EFCAB11: variants seen among roughly 807,000 people sequenced by gnomAD.
EFCAB11 encodes the protein EF-hand calcium-binding domain-containing protein 11.
EFCAB11 carries 14 observed loss-of-function variants against 23.0 expected under a neutral mutation model. The ratio of observed to expected loss-of-function variants is 0.61; its 90% confidence interval spans 0.40 to 0.95. EFCAB11 has a LOEUF of 0.95. Among genes scored for constraint, EFCAB11 ranks in the 40% least tolerant of loss-of-function variants. The pLI, the probability that EFCAB11 is intolerant of heterozygous loss-of-function variation, is 0.00. For synonymous variants in EFCAB11, 65 were observed against 66.6 expected (o/e 0.98, Z 0.11); for missense variants, 198 against 195.8 (o/e 1.01, Z -0.07).
At chr14:89,954,531 C>A in intron 1 of EFCAB11, 55 bp downstream of exon 1, 2 of 1,600,260 alleles carry the variant, frequency 1.2e-6, no homozygotes, top group South Asian at 1.1e-5. Context: ...GGAGAGGAAG[C>A]GAGAGGCCCA....
chr14:89,915,833 T>C (rs1208156377), intron 5 of EFCAB11, among the ~76,000 whole-genome samples: 2 of 152,216 alleles, frequency 1.3e-5, no homozygotes, highest in Non-Finnish European at 2.9e-5. Flanking sequence ...CTACAGTGTT[T>C]ATATAAGACA....
chr14:89,819,400 G>A (rs1886434404), intron 5 of EFCAB11, among the ~76,000 whole-genome samples: 2 of 152,006 alleles, frequency 1.3e-5, no homozygotes, highest in Admixed American at 1.3e-4. Flanking sequence ...CAACTGCAAA[G>A]GGATACAAAG....
intron 5 of EFCAB11, among the ~76,000 whole-genome samples, chr14:89,896,002 G>A (rs1459965674): frequency 6.6e-6 from 1 of 152,184 alleles, no homozygotes; most frequent in Non-Finnish European, 1.5e-5. Flanking sequence ...TAGTAAATGT[G>A]AAGAGATAAG....
chr14:89,814,484 C>G (rs897229786), intron 5 of EFCAB11, among the ~76,000 whole-genome samples: 1 of 152,158 alleles, frequency 6.6e-6, no homozygotes, highest in African/African-American at 2.4e-5. Context: ...GCGGGCAGAT[C>G]ACCTGAGGTT....
intron 5 of EFCAB11, among the ~76,000 whole-genome samples, chr14:89,804,651 A>G (rs879195460): frequency 1.3e-5 from 2 of 152,236 alleles, no homozygotes; most frequent in African/African-American, 4.8e-5. Context: ...CAGAGCATTT[A>G]AATTGCCATC....
chr14:89,953,685 C>G (rs1437597397), intron 2 of EFCAB11, among the ~76,000 whole-genome samples: 1 of 152,152 alleles, frequency 6.6e-6, no homozygotes, highest in Non-Finnish European at 1.5e-5. Context: ...TTATTAGCAG[C>G]CTGGTGGTGA....
intron 5 of EFCAB11, among the ~76,000 whole-genome samples, chr14:89,882,866 G>T (rs146098930): frequency 1.3e-5 from 2 of 152,146 alleles, no homozygotes; most frequent in African/African-American, 2.4e-5. Context: ...GAGGTGTTTG[G>T]GTCCTGGGGG....
chr14:89,890,649 A>G (rs1888935984), intron 5 of EFCAB11, among the ~76,000 whole-genome samples: 1 of 152,226 alleles, frequency 6.6e-6, no homozygotes, highest in Non-Finnish European at 1.5e-5. Flanking sequence ...CACTAAAACA[A>G]AACCACCTTA....
chr14:89,808,127 G>C (rs1486852889), intron 5 of EFCAB11, among the ~76,000 whole-genome samples: 1 of 152,174 alleles, frequency 6.6e-6, no homozygotes, highest in Non-Finnish European at 1.5e-5. Context: ...AACACAGCTA[G>C]ACTACATTTC....
intron 5 of EFCAB11, among the ~76,000 whole-genome samples, chr14:89,826,189 T>C (rs1214462616): frequency 6.6e-6 from 1 of 152,176 alleles, no homozygotes; most frequent in Non-Finnish European, 1.5e-5. Flanking sequence ...ATGTATCATA[T>C]ATATATATAG....
At chr14:89,834,437 C>T (rs1191820025) in intron 5 of EFCAB11, among the ~76,000 whole-genome samples, 1 of 142,478 alleles carries the variant, frequency 7.0e-6, no homozygotes, top group Non-Finnish European at 1.5e-5. Context: ...ATTTGTGAGT[C>T]TACTTGCAAC....
intron 5 of EFCAB11, among the ~76,000 whole-genome samples, chr14:89,897,363 A>C (rs1596440399): frequency 6.6e-6 from 1 of 152,200 alleles, no homozygotes; most frequent in Middle Eastern, 3.4e-3. Context: ...GCATGCCACC[A>C]AGCCCAACTA....
intron 5 of EFCAB11, among the ~76,000 whole-genome samples, chr14:89,880,559 C>T (rs1240360688): frequency 1.3e-5 from 2 of 152,096 alleles, no homozygotes; most frequent in Middle Eastern, 3.2e-3. Flanking sequence ...GACTTCACTT[C>T]CGTTTTTCTT....
chr14:89,943,828 A>AACACAC (rs148204333), intron 3 of EFCAB11, among the ~76,000 whole-genome samples: 28 of 150,492 alleles, frequency 1.9e-4, no homozygotes, highest in African/African-American at 6.1e-4. Flanking sequence ...TCTCCAAATA[A>AACACAC]ACACACACAC....
chr14:89,925,370 A>G (rs1342408475), intron 5 of EFCAB11, among the ~76,000 whole-genome samples: 1 of 152,232 alleles, frequency 6.6e-6, no homozygotes, highest in Non-Finnish European at 1.5e-5. Context: ...ATGAAAAACA[A>G]AAGATAGCAC....
chr14:89,891,194 G>A (rs1225497061), intron 5 of EFCAB11, among the ~76,000 whole-genome samples: 1 of 152,064 alleles, frequency 6.6e-6, no homozygotes, highest in Non-Finnish European at 1.5e-5. Flanking sequence ...ATTTTTCAAG[G>A]TCGGTGAGCT....
At chr14:89,919,316 G>A (rs371812562) in intron 5 of EFCAB11, among the ~76,000 whole-genome samples, 3 of 152,120 alleles carry the variant, frequency 2.0e-5, no homozygotes, top group Non-Finnish European at 2.9e-5. Context: ...ATCTCAGATC[G>A]GCCAAGAGCA....
intron 5 of EFCAB11, among the ~76,000 whole-genome samples, chr14:89,814,774 A>C (rs1055399451): frequency 6.6e-6 from 1 of 152,042 alleles, no homozygotes; most frequent in East Asian, 1.9e-4. Flanking sequence ...CAGATGCACG[A>C]AGCTGCTTTC....
chr14:89,859,723 G>C (rs1039145706), intron 5 of EFCAB11, among the ~76,000 whole-genome samples: 1 of 152,304 alleles, frequency 6.6e-6, no homozygotes, highest in African/African-American at 2.4e-5. Context: ...GAGGGTAAGA[G>C]AGTTGGGCAC....
Sources: allele counts gnomAD v4.1 joint callset (sites outside exome capture counted in the v4.1 genomes callset), GRCh38; gene constraint gnomAD v4.1.1; transcripts MANE v1.5; gene names NCBI Gene and HGNC (gene_info 2026-07-23, HGNC 2026-07-21).